The following ARID1B variants were observed in gnomAD, a reference collection of about 807,000 sequenced individuals.
ARID1B encodes AT-rich interactive domain-containing protein 1B.
A neutral mutation model predicts 212.3 loss-of-function variants in ARID1B; 30 were observed. That is an observed-to-expected ratio of 0.14 (90% CI 0.11 to 0.19). The LOEUF (loss-of-function observed/expected upper bound fraction) is 0.19. ARID1B is among the 10% of genes least tolerant of loss of function. The pLI is 1.00. For missense variants in ARID1B, 2,891 were observed against 3,204.0 expected, an observed-to-expected ratio of 0.90 and a Z score of 2.36; for synonymous variants, 1,402 against 1,301.7, an observed-to-expected ratio of 1.08 and a Z score of -1.66.
chr6:156,845,308 C>T (rs287899), intron 2 of ARID1B, among the ~76,000 whole-genome samples: 35,485 of 152,124 alleles, frequency 0.23, 4,485 homozygotes, highest in Middle Eastern at 0.31. Flanking sequence ...GCCCGCTGCG[C>T]ATTCGGAGTA....
intron 1 of ARID1B, among the ~76,000 whole-genome samples, chr6:156,801,460 A>G (rs1358655767): frequency 6.6e-6 from 1 of 152,090 alleles, no homozygotes; most frequent in African/African-American, 2.4e-5. Context: ...CGCCCTCCCA[A>G]AGTGCTGGGA....
intron 4 of ARID1B, among the ~76,000 whole-genome samples, chr6:156,989,444 T>C (rs1475114531): frequency 6.6e-6 from 1 of 152,262 alleles, no homozygotes; most frequent in Non-Finnish European, 1.5e-5. Flanking sequence ...CAAAAAGTTT[T>C]GGGAATTCGT....
chr6:156,992,537 T>A (rs1219005816), intron 4 of ARID1B, among the ~76,000 whole-genome samples: 2 of 152,214 alleles, frequency 1.3e-5, no homozygotes, highest in Non-Finnish European at 2.9e-5. Flanking sequence ...CTGTTTGTTT[T>A]CCTTATCAGA....
At chr6:156,868,770 A>G (rs1785899974) in intron 2 of ARID1B, among the ~76,000 whole-genome samples, 2 of 152,252 alleles carry the variant, frequency 1.3e-5, no homozygotes. Context: ...AAGACAATAC[A>G]AAACAAAACA....
At chr6:156,934,912 TTATATATATATA>T (rs201495355) in intron 3 of ARID1B, among the ~76,000 whole-genome samples, 620 of 52,578 alleles carry the variant, frequency 0.012, 12 homozygotes, top group Non-Finnish European at 0.014. Context: ...TAGTTGTTAA[TTATATATATATA>T]TATATATATA....
At chr6:157,014,156 C>G (rs1467005869) in intron 4 of ARID1B, among the ~76,000 whole-genome samples, 1 of 152,196 alleles carries the variant, frequency 6.6e-6, no homozygotes, top group Non-Finnish European at 1.5e-5. Flanking sequence ...TGACTAATGA[C>G]TAAGGCTTGG....
chr6:156,944,994 C>T (rs1343096338), intron 4 of ARID1B, among the ~76,000 whole-genome samples: 1 of 149,252 alleles, frequency 6.7e-6, no homozygotes, highest in African/African-American at 2.5e-5. Context: ...TCGATCTCGG[C>T]TCACTGCAAC....
intron 3 of ARID1B, among the ~76,000 whole-genome samples, chr6:156,920,941 G>A (rs988792863): frequency 4.0e-5 from 6 of 151,342 alleles, no homozygotes; most frequent in East Asian, 1.9e-4. Flanking sequence ...CACAACCTCC[G>A]CCTCCCAGGT....
intron 2 of ARID1B, among the ~76,000 whole-genome samples, chr6:156,835,128 T>C (rs918843826): frequency 1.2e-4 from 18 of 150,808 alleles, no homozygotes; most frequent in Non-Finnish European, 2.4e-4. Context: ...TAGTCCCAGC[T>C]CCTCGGGAAG....
chr6:157,027,575 A>G (rs1413772808), intron 4 of ARID1B, among the ~76,000 whole-genome samples: 2 of 152,236 alleles, frequency 1.3e-5, no homozygotes, highest in Non-Finnish European at 2.9e-5. Flanking sequence ...AAAACCAGTG[A>G]CACACAATCG....
chr6:156,937,746 A>G lies in ARID1B; in HGVS notation c.2247+2170A>G, dbSNP rs1426353190. ...ACGAATATAGTCATCAACTGTTTAA[A>G]TGTTTTCTGAATTGTTCTATTTCTG... On this transcript the variant is annotated intron_variant, in intron 4 of 19. Coordinates refer to ENST00000636930, the MANE Select transcript of ARID1B (RefSeq NM_001374828.1). 3.3e-5 allele frequency: 5 copies of G among 152,154 alleles called. No individual in the cohort carries two copies. In the East Asian group the frequency reaches 7.7e-4, roughly 23 times the overall value. 9.4% of individuals were successfully genotyped at this position (152,154 alleles called of 1,614,324 possible).
At chr6:157,001,055 A>G (rs1778885892) in intron 4 of ARID1B, among the ~76,000 whole-genome samples, 1 of 152,114 alleles carries the variant, frequency 6.6e-6, no homozygotes, top group Non-Finnish European at 1.5e-5. Flanking sequence ...GCAACATTTC[A>G]TGGCATCTTA....
intron 4 of ARID1B, among the ~76,000 whole-genome samples, chr6:157,049,788 G>A (rs369463889): frequency 3.3e-4 from 50 of 152,022 alleles, no homozygotes; most frequent in African/African-American, 1.1e-3. Context: ...ACAAATTTTC[G>A]AAACATTTCT....
chr6:156,812,976 G>GTA (rs1554254433), intron 1 of ARID1B, among the ~76,000 whole-genome samples: 6,907 of 104,212 alleles, frequency 0.066, 365 homozygotes, highest in Admixed American at 0.12. Context: ...GTGTGTGTGT[G>GTA]TATGTATATA....
chr6:157,020,666 T>C, intron 4 of ARID1B, among the ~76,000 whole-genome samples: 1 of 152,190 alleles, frequency 6.6e-6, no homozygotes, highest in Non-Finnish European at 1.5e-5. Flanking sequence ...TAAACAGTGG[T>C]GGTTTCAAAC....
At chr6:157,193,153 C>T (rs151185454) in intron 15 of ARID1B, among the ~76,000 whole-genome samples, 7 of 152,104 alleles carry the variant, frequency 4.6e-5, no homozygotes, top group Non-Finnish European at 8.8e-5. Context: ...TAGTATATAT[C>T]GAATTTATAT....
chr6:156,887,455 G>T (rs1787602224), intron 2 of ARID1B, among the ~76,000 whole-genome samples: 1 of 152,040 alleles, frequency 6.6e-6, no homozygotes, highest in Admixed American at 6.6e-5. Flanking sequence ...TAAATTTAGG[G>T]GTAGATAGAT....
intron 4 of ARID1B, among the ~76,000 whole-genome samples, chr6:157,015,448 G>A (rs952484515): frequency 1.3e-5 from 2 of 152,136 alleles, no homozygotes; most frequent in African/African-American, 4.8e-5. Flanking sequence ...CTTGGGTGGA[G>A]GAAACTAAGA....
At chr6:156,793,421 G>A (rs895047254) in intron 1 of ARID1B, among the ~76,000 whole-genome samples, 3 of 152,054 alleles carry the variant, frequency 2.0e-5, no homozygotes, top group East Asian at 1.9e-4. Flanking sequence ...GTCATGGCTC[G>A]ACTTTCTGGG....
Sources: gnomAD v4.1 joint callset for allele counts (sites outside exome capture counted in the v4.1 genomes callset) on GRCh38, gnomAD v4.1.1 for gene constraint, MANE v1.5 for transcripts, NCBI Gene and HGNC (gene_info 2026-07-23, HGNC 2026-07-21) for gene names.